Variants in ASH1L observed in about 807,000 individuals in gnomAD.
The protein encoded by ASH1L is ASH1 like histone lysine methyltransferase.
In ASH1L, 23 loss-of-function variants were observed where a neutral mutation model predicts 269.0. That is an observed-to-expected ratio of 0.09 (90% confidence interval 0.06 to 0.12). The LOEUF (loss-of-function observed/expected upper bound fraction) is 0.12. Ranked by LOEUF, ASH1L falls within the 10% of genes least tolerant of loss-of-function variation. The pLI, the probability that ASH1L is intolerant of heterozygous loss-of-function variation, is 1.00. For synonymous variants in ASH1L, 1,187 were observed against 1,253.5 expected (o/e 0.95, Z 1.12); for missense variants, 2,912 against 3,567.8 (o/e 0.82, Z 4.68).
rs960810256 is a variant in ASH1L at position 155,480,409 on chromosome 1, A to G, written c.2461T>C (p.Ser821Pro). 6 of 1,613,970 alleles carry G rather than the reference A, an allele frequency of 3.7e-6. No individual in the cohort carries two copies. Among genetic ancestry groups the G allele is most frequent in the South Asian group, 1.1e-5 (1 of 91,088 alleles). ...CCTCTTTTGGGCTTATAAATATCAG[A>G]CAAAAGGTCACTAGAGACACACATA... ...SSMCVSSDLL[S>P]DIYKPKRGRP... Residue 821 changes from serine (S) to proline (P), a missense_variant, in exon 3 of 28, where the codon TCT becomes CCT. Coordinates refer to ENST00000392403, the MANE Select transcript of ASH1L (RefSeq NM_018489.3).
At chr1:155,475,460 A>G (rs993147585) in intron 3 of ASH1L, among the ~76,000 whole-genome samples, 14 of 152,244 alleles carry the variant, frequency 9.2e-5, no homozygotes, top group African/African-American at 3.4e-4. Context: ...TCATCCTTTA[A>G]GTCTCAACTT....
chr1:155,528,441 T>C (rs1368048901), intron 1 of ASH1L, among the ~76,000 whole-genome samples: 1 of 152,162 alleles, frequency 6.6e-6, no homozygotes, highest in East Asian at 1.9e-4. Context: ...ATAGCTTTTT[T>C]TTTTTTTAAA....
intron 15 of ASH1L, among the ~76,000 whole-genome samples, chr1:155,356,965 A>C (rs1479499935): frequency 6.6e-6 from 1 of 150,524 alleles, no homozygotes; most frequent in Non-Finnish European, 1.5e-5. Flanking sequence ...GTGTGGTGGC[A>C]TGTGCCTGCA....
At chr1:155,365,407 G>A (rs1012383598) in intron 12 of ASH1L, among the ~76,000 whole-genome samples, 1 of 137,632 alleles carries the variant, frequency 7.3e-6, no homozygotes, top group Non-Finnish European at 1.5e-5. Flanking sequence ...ATTTTTAGTA[G>A]AGATGGGGTT....
upstream of ASH1L, chr1:155,562,840 C>A: frequency 2.0e-6 from 1 of 501,212 alleles, no homozygotes; most frequent in Admixed American, 2.4e-5. Flanking sequence ...CTCTCCTCCC[C>A]CCCCTTCCCC....
At position 155,338,253 on chromosome 1, in the gene ASH1L, T is replaced by C. The variant is rs1652483919; in HGVS notation, c.8639A>G (p.Glu2880Gly). 6.2e-6 allele frequency: 10 copies of C among 1,614,132 alleles called. No individual in the cohort carries two copies. The highest frequency in any genetic ancestry group is 8.5e-6 in the Non-Finnish European group (10 of 1,180,010). The change falls in exon 27 of 28, where the codon GAA becomes GGA. Residue 2880 changes from glutamate to glycine, a missense_variant. By Grantham distance (98) the Glu-to-Gly change is moderately conservative. Coordinates refer to ENST00000392403, the MANE Select transcript of ASH1L (RefSeq NM_018489.3). ...GACGTTAGCAGTGGCCCCTTCCCGT[T>C]CTGGCTCCTCCAGGCTGGGTATCTC... is the stretch of plus-strand genomic sequence containing the variant. The part of the protein sequence containing the change: ...ANEIPSLEEP[E>G]REGATANVSE...
chr1:155,375,860 T>C (rs528367878), intron 10 of ASH1L, among the ~76,000 whole-genome samples: 4 of 151,770 alleles, frequency 2.6e-5, no homozygotes, highest in South Asian at 4.2e-4. Flanking sequence ...TAGATCTAGG[T>C]TGTCCTTCAT....
intron 4 of ASH1L, among the ~76,000 whole-genome samples, chr1:155,459,542 C>A (rs1664135841): frequency 6.6e-6 from 1 of 152,158 alleles, no homozygotes; most frequent in Non-Finnish European, 1.5e-5. Context: ...CAGCTACAAT[C>A]CACATTCCCC....
intron 15 of ASH1L, among the ~76,000 whole-genome samples, chr1:155,356,758 A>C (rs1400609192): frequency 6.6e-6 from 1 of 152,022 alleles, no homozygotes; most frequent in East Asian, 1.9e-4. Flanking sequence ...ATGGGTCTAC[A>C]GGGATATGTG....
intron 3 of ASH1L, among the ~76,000 whole-genome samples, chr1:155,476,599 T>C (rs537742707): frequency 6.6e-6 from 1 of 151,640 alleles, no homozygotes; most frequent in South Asian, 2.1e-4. Context: ...TTGCCCAGGC[T>C]GAAGTGCAGT....
At chr1:155,541,950 C>A (rs1202481969) in intron 1 of ASH1L, among the ~76,000 whole-genome samples, 1 of 152,056 alleles carries the variant, frequency 6.6e-6, no homozygotes, top group Non-Finnish European at 1.5e-5. Flanking sequence ...TACCAAGTCA[C>A]AAGGGGAAAA....
At chr1:155,434,586 C>T (rs1261888837) in intron 5 of ASH1L, among the ~76,000 whole-genome samples, 2 of 151,482 alleles carry the variant, frequency 1.3e-5, no homozygotes, top group Non-Finnish European at 2.9e-5. Context: ...GGCGCCGTAG[C>T]TCACACCTGT....
At chr1:155,423,678 G>A (rs1287450301) in intron 5 of ASH1L, among the ~76,000 whole-genome samples, 1 of 152,188 alleles carries the variant, frequency 6.6e-6, no homozygotes, top group Non-Finnish European at 1.5e-5. Context: ...GCACAGCTAC[G>A]GTGATGGCTT....
At chr1:155,500,057 G>A (rs1273986884) in intron 2 of ASH1L, among the ~76,000 whole-genome samples, 1 of 152,148 alleles carries the variant, frequency 6.6e-6, no homozygotes, top group Non-Finnish European at 1.5e-5. Context: ...AACTAATTAC[G>A]GTAGTTTTAA....
chr1:155,538,232 G>A (rs1670185761), intron 1 of ASH1L, among the ~76,000 whole-genome samples: 1 of 151,848 alleles, frequency 6.6e-6, no homozygotes, highest in Admixed American at 6.6e-5. Flanking sequence ...TTTTGGAGAT[G>A]GGGTTTCACC....
intron 2 of ASH1L, among the ~76,000 whole-genome samples, chr1:155,510,690 T>A (rs928521522): frequency 6.6e-6 from 1 of 152,144 alleles, no homozygotes; most frequent in Non-Finnish European, 1.5e-5. Flanking sequence ...TGTACCAACT[T>A]TGATTCCCAA....
chr1:155,434,592 C>A (rs866557544), intron 5 of ASH1L, among the ~76,000 whole-genome samples: 1 of 151,834 alleles, frequency 6.6e-6, no homozygotes. Flanking sequence ...GTAGCTCACA[C>A]CTGTAATCCC....
chr1:155,435,618 T>C (rs567468481), intron 5 of ASH1L, among the ~76,000 whole-genome samples: 1 of 149,834 alleles, frequency 6.7e-6, no homozygotes, highest in Non-Finnish European at 1.5e-5. Context: ...TATTTTTATA[T>C]AGGTGGATGG....
chr1:155,395,087 C>T (rs958618588), intron 7 of ASH1L, among the ~76,000 whole-genome samples: 2 of 152,132 alleles, frequency 1.3e-5, no homozygotes, highest in African/African-American at 4.8e-5. Flanking sequence ...CAGACCTGTG[C>T]CACCACGTCC....
Sources: gnomAD v4.1 joint callset for allele counts (sites outside exome capture counted in the v4.1 genomes callset) on GRCh38, gnomAD v4.1.1 for gene constraint, MANE v1.5 for transcripts, NCBI Gene and HGNC (gene_info 2026-07-23, HGNC 2026-07-21) for gene names.